Variants in NTM observed in about 807,000 individuals in gnomAD.
The protein encoded by NTM is IgLON family member 2.
A neutral mutation model predicts 42.1 loss-of-function variants in NTM; 13 were observed. The ratio of observed to expected loss-of-function variants is 0.31; its 90% CI spans 0.20 to 0.49. The LOEUF (loss-of-function observed/expected upper bound fraction) is 0.49. Among genes scored for constraint, NTM ranks in the 20% least tolerant of loss-of-function variants. NTM has a pLI of 0.99. For synonymous variants in NTM, 187 were observed against 179.2 expected (o/e 1.04, Z -0.35); for missense variants, 373 against 452.8 (o/e 0.82, Z 1.60).
chr11:131,645,837 C>A (rs1299500957), intron 1 of NTM, among the ~76,000 whole-genome samples: 2 of 152,154 alleles, frequency 1.3e-5, no homozygotes, highest in Non-Finnish European at 2.9e-5. Context: ...GGAATGGATG[C>A]ACAGCTAATG....
chr11:131,476,372 C>T (rs1478261615), intron 1 of NTM, among the ~76,000 whole-genome samples: 3 of 152,164 alleles, frequency 2.0e-5, no homozygotes, highest in Non-Finnish European at 4.4e-5. Context: ...TAATCATGTA[C>T]CTGGGCCCTG....
chr11:132,158,895 TC>T (rs1360839687), intron 3 of NTM, among the ~76,000 whole-genome samples: 1 of 152,112 alleles, frequency 6.6e-6, no homozygotes, highest in Non-Finnish European at 1.5e-5. Flanking sequence ...GATGAGTCAC[TC>T]CAGGTCACTG....
At chr11:131,556,711 G>A (rs567997037) in intron 1 of NTM, among the ~76,000 whole-genome samples, 1 of 152,104 alleles carries the variant, frequency 6.6e-6, no homozygotes, top group Admixed American at 6.5e-5. Context: ...GGGACTACAG[G>A]CATGCGCCAC....
At position 131,411,540 on chromosome 11, in the gene NTM, C is replaced by CGTGTGTGT. The variant is rs5795724; in HGVS notation, c.82+40693_82+40700dup. Among the ~76,000 whole-genome samples, 180 of 129,764 alleles carry CGTGTGTGT rather than the reference C, an allele frequency of 1.4e-3. 6 individuals are homozygous for CGTGTGTGT. The East Asian group carries it at 0.027, about 19-fold the overall frequency. The allele number at this position is 129,764 out of a possible 152,430, so 85.1% of individuals were successfully genotyped here. On this transcript the variant is annotated intron_variant, in intron 1 of 8. Coordinates refer to ENST00000683400, the MANE Select transcript of NTM (RefSeq NM_001352005.2). ...GCCTCCTGAAGTATTTAGGGGGGGC[C>CGTGTGTGT]GTGTGTGTGTGTGTGTGTGTGTGTG...
intron 1 of NTM, among the ~76,000 whole-genome samples, chr11:131,862,489 CA>C (rs1192872106): frequency 1.3e-5 from 2 of 152,154 alleles, no homozygotes; most frequent in South Asian, 2.1e-4. Context: ...GTGTCCTAGA[CA>C]GTACTAATCT....
At chr11:131,384,072 G>C (rs897312266) in intron 1 of NTM, among the ~76,000 whole-genome samples, 4 of 152,174 alleles carry the variant, frequency 2.6e-5, no homozygotes, top group African/African-American at 9.7e-5. Flanking sequence ...GTGGGTTTTA[G>C]AGAGATAGTA....
At chr11:131,373,410 A>G (rs1030080687) in intron 1 of NTM, among the ~76,000 whole-genome samples, 6 of 152,018 alleles carry the variant, frequency 3.9e-5, no homozygotes, top group Admixed American at 2.0e-4. Flanking sequence ...TGCTAATGGC[A>G]GGTTAGGAAC....
intron 1 of NTM, among the ~76,000 whole-genome samples, chr11:131,672,491 C>A (rs923062522): frequency 1.3e-5 from 2 of 152,220 alleles, no homozygotes; most frequent in African/African-American, 4.8e-5. Flanking sequence ...TGGAGTGCCT[C>A]ACCCTTTCAG....
At chr11:131,809,622 G>C (rs1186005763) in intron 1 of NTM, among the ~76,000 whole-genome samples, 1 of 152,212 alleles carries the variant, frequency 6.6e-6, no homozygotes, top group Non-Finnish European at 1.5e-5. Context: ...TTTGTCAGCT[G>C]TTATCTCAGT....
intron 1 of NTM, among the ~76,000 whole-genome samples, chr11:131,470,964 T>C (rs1169157811): frequency 6.6e-6 from 1 of 152,196 alleles, no homozygotes; most frequent in Non-Finnish European, 1.5e-5. Flanking sequence ...AGAAATTTCA[T>C]CTTTCTCAGG....
chr11:131,960,648 G>A (rs750158245), intron 2 of NTM, among the ~76,000 whole-genome samples: 11 of 152,198 alleles, frequency 7.2e-5, no homozygotes, highest in Admixed American at 2.0e-4. Context: ...GAAGGTATTT[G>A]CAGCAGATTG....
intron 1 of NTM, among the ~76,000 whole-genome samples, chr11:131,711,171 A>G (rs1450050839): frequency 2.0e-5 from 3 of 152,242 alleles, no homozygotes; most frequent in African/African-American, 4.8e-5. Flanking sequence ...CGCAAAAGAA[A>G]CTACCATCAG....
At position 132,211,082 on chromosome 11, in the gene NTM, G is replaced by A. The variant is rs115956621; in HGVS notation, c.401-940G>A. Among the ~76,000 whole-genome samples the A allele has an allele frequency of 8.1e-3, 1,231 of 152,308 alleles. 12 individuals carry two copies. The highest frequency in any genetic ancestry group is 0.027 in the African/African-American group (1,135 of 41,568). ...AATTTGAGATGTCCAAAAGGGCAGAGAAGTATAGAGGGTAGGGAAAGTTTC... is the reference window on the plus strand; with the variant it reads ...AATTTGAGATGTCCAAAAGGGCAGAAAAGTATAGAGGGTAGGGAAAGTTTC... On this transcript the variant is annotated intron_variant, in intron 3 of 8. Coordinates refer to ENST00000683400, the MANE Select transcript of NTM (RefSeq NM_001352005.2).
intron 4 of NTM, among the ~76,000 whole-genome samples, chr11:132,255,632 G>A (rs73597235): frequency 0.13 from 20,266 of 152,136 alleles, 2,471 homozygotes; most frequent in African/African-American, 0.32. Flanking sequence ...TGTTAAATTC[G>A]CAACAGGTAA....
At chr11:132,093,586 A>G (rs185954890) in intron 2 of NTM, among the ~76,000 whole-genome samples, 25 of 152,224 alleles carry the variant, frequency 1.6e-4, no homozygotes, top group African/African-American at 6.0e-4. Context: ...CACATTTATA[A>G]ATCTGTCTTT....
chr11:131,638,904 A>G (rs1473744222), intron 1 of NTM, among the ~76,000 whole-genome samples: 1 of 152,240 alleles, frequency 6.6e-6, no homozygotes, highest in African/African-American at 2.4e-5. Flanking sequence ...AACAACAACA[A>G]TAATAGCTTA....
At chr11:132,145,883 G>T (rs796666521) in intron 2 of NTM, among the ~76,000 whole-genome samples, 8 of 152,248 alleles carry the variant, frequency 5.3e-5, no homozygotes, top group African/African-American at 1.9e-4. Context: ...TCTTCATAGG[G>T]TTATTATAAG....
At chr11:131,789,604 GA>G (rs2090392022) in intron 1 of NTM, among the ~76,000 whole-genome samples, 1 of 83,840 alleles carries the variant, frequency 1.2e-5, no homozygotes, top group Non-Finnish European at 2.3e-5. Context: ...AGAAGAAGAA[GA>G]AGAAGAAGAA....
intron 2 of NTM, among the ~76,000 whole-genome samples, chr11:132,030,284 T>C (rs1479025949): frequency 6.6e-6 from 1 of 152,160 alleles, no homozygotes; most frequent in African/African-American, 2.4e-5. Flanking sequence ...TACTATTTTA[T>C]TTGTGTCTAA....
Sources: allele counts gnomAD v4.1 joint callset (sites outside exome capture counted in the v4.1 genomes callset), GRCh38; gene constraint gnomAD v4.1.1; transcripts MANE v1.5; gene names NCBI Gene and HGNC (gene_info 2026-07-23, HGNC 2026-07-21).